Variants in FOXP1 observed in about 807,000 individuals in gnomAD.
The protein encoded by FOXP1 is forkhead box P1.
Under a neutral mutation model 98.2 loss-of-function variants are expected in FOXP1, and 15 were observed. That is an observed-to-expected ratio of 0.15 (90% CI 0.10 to 0.24). The LOEUF is 0.24. Among genes scored for constraint, FOXP1 ranks in the 10% least tolerant of loss-of-function variants. The pLI, the probability that FOXP1 is intolerant of heterozygous loss-of-function variation, is 1.00. For synonymous variants in FOXP1, 371 were observed against 314.5 expected (o/e 1.18, Z -1.90); for missense variants, 633 against 848.5 (o/e 0.75, Z 3.15).
intron 3 of FOXP1, among the ~76,000 whole-genome samples, chr3:71,366,882 G>A (rs140110034): frequency 3.2e-4 from 48 of 152,294 alleles, no homozygotes; most frequent in Admixed American, 1.2e-3. Context: ...CATACTTTAA[G>A]CCTTTACAAG....
At position 71,533,730 on chromosome 3, in the gene FOXP1, G is replaced by A. The variant is rs557133330; in HGVS notation, c.-297-40175C>T. 3.3e-5 allele frequency among the ~76,000 whole-genome samples: 5 copies of A among 152,308 alleles called. No homozygotes were observed. The East Asian group carries it at 9.6e-4, about 29-fold the overall frequency. Reference sequence around the variant, plus strand: ...GGGATGACATGCAAAACATCCTCCAGACAAATTTTAGTCTCCATCTTATTC... The same window carrying A: ...GGGATGACATGCAAAACATCCTCCAAACAAATTTTAGTCTCCATCTTATTC... On this transcript the variant is annotated intron_variant, in intron 2 of 20. Coordinates refer to ENST00000649528, the MANE Select transcript of FOXP1 (RefSeq NM_001349338.3).
chr3:71,191,811 G>T (rs545586800), intron 6 of FOXP1, among the ~76,000 whole-genome samples: 27 of 152,276 alleles, frequency 1.8e-4, no homozygotes, highest in Non-Finnish European at 3.5e-4. Flanking sequence ...TCTGAATCCT[G>T]TCTCAGTTTT....
chr3:70,961,226 TTTTA>T (rs767939984), intron 20 of FOXP1, among the ~76,000 whole-genome samples: 8 of 151,438 alleles, frequency 5.3e-5, no homozygotes, highest in East Asian at 2.0e-4. Flanking sequence ...TCTCCAGCTA[TTTTA>T]TTTATTTATT....
intron 19 of FOXP1, chr3:70,966,337 G>T: frequency 2.2e-6 from 1 of 450,744 alleles, no homozygotes; most frequent in Non-Finnish European, 4.1e-6. Flanking sequence ...GGTTTAGACG[G>T]GCTTTCGAAT....
chr3:71,222,576 G>A (rs529975121), intron 5 of FOXP1, among the ~76,000 whole-genome samples: 1 of 152,156 alleles, frequency 6.6e-6, no homozygotes, highest in East Asian at 1.9e-4. Context: ...CCGCCACCAC[G>A]CCTGGCTACC....
intron 7 of FOXP1, among the ~76,000 whole-genome samples, chr3:71,086,871 T>G (rs1436486273): frequency 6.6e-6 from 1 of 152,214 alleles, no homozygotes; most frequent in South Asian, 2.1e-4. Flanking sequence ...CGTCCTGCAC[T>G]GGGGCATAGA....
At chr3:71,559,016 G>A (rs774704375) in intron 2 of FOXP1, among the ~76,000 whole-genome samples, 45 of 152,154 alleles carry the variant, frequency 3.0e-4, no homozygotes, top group Admixed American at 8.5e-4. Flanking sequence ...GTGTTAGCCA[G>A]GATGGTCTCA....
In FOXP1 at chr3:71,053,638, G is replaced by T. The variant is rs2050213667; in HGVS notation, c.418C>A (p.Gln140Lys). The T allele has an allele frequency of 6.2e-7, 1 of 1,614,074 alleles. No individual in the cohort carries two copies. The highest frequency in any genetic ancestry group is 8.5e-7 in the Non-Finnish European group (1 of 1,179,984). Residue 140 changes from glutamine (Q) to lysine (K), a missense_variant and splice_region_variant, in exon 8 of 21, where the codon CAG becomes AAG. By Grantham distance (53) the Gln-to-Lys change is moderately conservative. Around this residue, in one of 6 missense-constraint regions of FOXP1, gnomAD observed 210 missense variants for 270.6 expected, o/e 0.78. Coordinates refer to ENST00000649528, the MANE Select transcript of FOXP1 (RefSeq NM_001349338.3). ...LQQQQALMLQ[Q>K]QQLQEFYKKQ... ...GGAGGTGGAGGAAGGACAATTACCT[G>T]TTGAAGCATGAGGGCCTGCTGCTGC...
At chr3:70,994,964 G>T (rs980953176) in intron 13 of FOXP1, among the ~76,000 whole-genome samples, 13 of 151,854 alleles carry the variant, frequency 8.6e-5, no homozygotes, top group Admixed American at 7.9e-4. Context: ...CATGTGATCA[G>T]AAATATGTAT....
intron 6 of FOXP1, among the ~76,000 whole-genome samples, chr3:71,176,425 CT>C (rs2061941191): frequency 6.6e-6 from 1 of 152,216 alleles, no homozygotes; most frequent in African/African-American, 2.4e-5. Flanking sequence ...TTCCATCCCC[CT>C]GACCAGTCAA....
intron 14 of FOXP1, among the ~76,000 whole-genome samples, chr3:70,979,316 A>AAAAAAAAAAAAAAAG (rs1553670621): frequency 3.3e-4 from 32 of 96,466 alleles, no homozygotes; most frequent in Non-Finnish European, 4.2e-4. Flanking sequence ...AAAAAAAAAA[A>AAAAAAAAAAAAAAAG]AAAAGAAAAA....
At chr3:71,063,976 C>T (rs1013474588) in intron 7 of FOXP1, among the ~76,000 whole-genome samples, 2 of 152,320 alleles carry the variant, frequency 1.3e-5, no homozygotes, top group African/African-American at 2.4e-5. Context: ...CACTGACCGT[C>T]CTTCATGCAG....
chr3:71,023,942 T>C (rs2045777424), intron 11 of FOXP1, among the ~76,000 whole-genome samples: 2 of 152,194 alleles, frequency 1.3e-5, no homozygotes, highest in Admixed American at 6.5e-5. Flanking sequence ...GCAAGGTAGA[T>C]TCACAATCTC....
At chr3:71,439,036 C>A (rs1286994727) in intron 3 of FOXP1, among the ~76,000 whole-genome samples, 1 of 152,236 alleles carries the variant, frequency 6.6e-6, no homozygotes, top group Non-Finnish European at 1.5e-5. Flanking sequence ...CAGCTCGCTG[C>A]TCTCACAACT....
chr3:71,564,025 C>T (rs192916520), intron 2 of FOXP1, among the ~76,000 whole-genome samples: 1 of 152,344 alleles, frequency 6.6e-6, no homozygotes, highest in African/African-American at 2.4e-5. Context: ...GAGGTTCCCT[C>T]AGGCCACTTA....
intron 9 of FOXP1, among the ~76,000 whole-genome samples, chr3:71,049,801 C>G (rs2049594637): frequency 6.6e-6 from 1 of 152,162 alleles, no homozygotes; most frequent in Non-Finnish European, 1.5e-5. Context: ...GACTCCATCT[C>G]ATTTTAGCAC....
rs542216904 is a variant in FOXP1, at chr3:71,269,243, A to G, written c.-12+30577T>C. On this transcript the variant is annotated intron_variant, in intron 5 of 20. Transcript: ENST00000649528. Reference sequence around the variant, plus strand: ...GATCCAGTTCTCAGTGTTACCTTGAAGATGACAATTTATGAAGAAACAGGT... The same window carrying G: ...GATCCAGTTCTCAGTGTTACCTTGAGGATGACAATTTATGAAGAAACAGGT... Among the ~76,000 whole-genome samples the G allele has an allele frequency of 1.3e-4, 20 of 152,264 alleles. No individual in the cohort carries two copies. In the South Asian group the frequency reaches 1.7e-3, roughly 13 times the overall value.
chr3:71,182,054 A>AAAG (rs140149126), intron 6 of FOXP1, among the ~76,000 whole-genome samples: 60,742 of 141,928 alleles, frequency 0.43, 13,890 homozygotes, highest in Middle Eastern at 0.56. Context: ...AAAAAAAAGA[A>AAAG]AAAAAAAGAA....
intron 7 of FOXP1, among the ~76,000 whole-genome samples, chr3:71,090,698 T>C (rs2055714610): frequency 6.6e-6 from 1 of 152,270 alleles, no homozygotes; most frequent in African/African-American, 2.4e-5. Flanking sequence ...AGCATGATCA[T>C]TGCACTCTGT....
Sources: allele counts gnomAD v4.1 joint callset (sites outside exome capture counted in the v4.1 genomes callset), GRCh38; gene constraint gnomAD v4.1.1; regional missense constraint gnomAD v4.1.1; transcripts MANE v1.5; gene names NCBI Gene and HGNC (gene_info 2026-07-23, HGNC 2026-07-21).